NAALADL2: variants seen among roughly 807,000 people sequenced by gnomAD.
NAALADL2 encodes the protein inactive N-acetylated-alpha-linked acidic dipeptidase-like protein 2.
NAALADL2 carries 76 observed loss-of-function variants against 87.2 expected under a neutral mutation model. The observed-to-expected ratio is 0.87, with a 90% CI of 0.72 to 1.05. The LOEUF (loss-of-function observed/expected upper bound fraction) is 1.05, where lower values mean the gene tolerates loss of function less well. Among genes scored for constraint, NAALADL2 ranks in the 50% least tolerant of loss-of-function variants. The probability of loss-of-function intolerance (pLI) is 0.00; values close to 1 mark genes in which losing one functional copy is unlikely to be tolerated. For missense variants in NAALADL2, 1,089 were observed against 945.8 expected (o/e 1.15, Z -1.99); for synonymous variants, 354 against 331.0 (o/e 1.07, Z -0.75).
chr3:175,391,138 A>G (rs1262328724), intron 5 of NAALADL2, among the ~76,000 whole-genome samples: 1 of 152,204 alleles, frequency 6.6e-6, no homozygotes, highest in Non-Finnish European at 1.5e-5. Context: ...CTAAAAGAAT[A>G]CAGTGGTATG....
chr3:175,602,870 C>A (rs570417410), intron 10 of NAALADL2, among the ~76,000 whole-genome samples: 1 of 152,132 alleles, frequency 6.6e-6, no homozygotes, highest in Non-Finnish European at 1.5e-5. Context: ...TACAAATAAT[C>A]GTAGCCCTAT....
chr3:175,575,905 C>T, intron 9 of NAALADL2, 136 bp from the exon 10 acceptor site: 1 of 668,460 alleles, frequency 1.5e-6, no homozygotes, highest in Non-Finnish European at 2.5e-6. Flanking sequence ...AGTGTGGGGC[C>T]TAAGCATTTG....
chr3:174,725,816 A>G (rs1425719204), intron 2 of NAALADL2, among the ~76,000 whole-genome samples: 1 of 152,216 alleles, frequency 6.6e-6, no homozygotes, highest in Non-Finnish European at 1.5e-5. Flanking sequence ...TCAGTAATCA[A>G]CCTAAAGCCA....
chr3:175,391,133 A>G, intron 5 of NAALADL2, among the ~76,000 whole-genome samples: 1 of 152,210 alleles, frequency 6.6e-6, no homozygotes, highest in East Asian at 1.9e-4. Flanking sequence ...CAAACCTAAA[A>G]GAATACAGTG....
intron 5 of NAALADL2, among the ~76,000 whole-genome samples, chr3:175,423,381 A>C (rs1311906779): frequency 6.6e-6 from 1 of 150,756 alleles, no homozygotes; most frequent in Non-Finnish European, 1.5e-5. Context: ...TCGTCATTTA[A>C]CATTAGGTAT....
chr3:175,129,566 G>C (rs1258025277), intron 2 of NAALADL2, among the ~76,000 whole-genome samples: 1 of 152,136 alleles, frequency 6.6e-6, no homozygotes, highest in Non-Finnish European at 1.5e-5. Flanking sequence ...TAAACTGTCT[G>C]TGTTTGAGTT....
intron 2 of NAALADL2, among the ~76,000 whole-genome samples, chr3:175,161,476 A>G (rs540133322): frequency 6.6e-6 from 1 of 152,264 alleles, no homozygotes; most frequent in African/African-American, 2.4e-5. Flanking sequence ...AAATAGCTCC[A>G]TGTTGTTGCA....
chr3:175,370,151 G>A (rs11920100), intron 5 of NAALADL2, among the ~76,000 whole-genome samples: 1 of 152,016 alleles, frequency 6.6e-6, no homozygotes, highest in Non-Finnish European at 1.5e-5. Flanking sequence ...CAAACTCTGA[G>A]TAAAATGGAG....
intron 1 of NAALADL2, chr3:175,059,985 G>T: frequency 2.3e-6 from 1 of 434,468 alleles, no homozygotes; most frequent in South Asian, 1.9e-5. Context: ...GGTAATCATT[G>T]AGCACATGGA....
At chr3:175,322,938 C>T (rs1370835052) in intron 4 of NAALADL2, among the ~76,000 whole-genome samples, 2 of 151,590 alleles carry the variant, frequency 1.3e-5, no homozygotes, top group African/African-American at 2.4e-5. Flanking sequence ...GGCGATTCCT[C>T]GGGGATCTAG....
At chr3:174,955,129 A>G (rs998020742) in intron 1 of NAALADL2, among the ~76,000 whole-genome samples, 9 of 152,124 alleles carry the variant, frequency 5.9e-5, no homozygotes, top group African/African-American at 1.4e-4. Context: ...AAATGGTACA[A>G]TGAAAAATTA....
chr3:174,703,464 A>G (rs1469796570), intron 2 of NAALADL2, among the ~76,000 whole-genome samples: 1 of 152,164 alleles, frequency 6.6e-6, no homozygotes, highest in South Asian at 2.1e-4. Context: ...TGGACTGACT[A>G]GTTTCCTGGG....
At chr3:175,445,138 A>T (rs1259284126) in intron 5 of NAALADL2, among the ~76,000 whole-genome samples, 1 of 152,166 alleles carries the variant, frequency 6.6e-6, no homozygotes, top group Non-Finnish European at 1.5e-5. Flanking sequence ...TGATAGAGTC[A>T]TTCTGTTGGG....
chr3:175,774,698 T>C (rs562491619), intron 13 of NAALADL2, among the ~76,000 whole-genome samples: 1 of 152,230 alleles, frequency 6.6e-6, no homozygotes, highest in Admixed American at 6.5e-5. Flanking sequence ...CCACTAGCAA[T>C]GTGTGGCTAC....
intron 13 of NAALADL2, among the ~76,000 whole-genome samples, chr3:175,766,006 T>C (rs1258723968): frequency 6.6e-6 from 1 of 152,138 alleles, no homozygotes; most frequent in Non-Finnish European, 1.5e-5. Context: ...TATCCCTAGT[T>C]TGCTCAGAAA....
In NAALADL2 at chr3:174,794,981, C is replaced by CTTTTTTTTTTTT. The variant is rs772447340; in HGVS notation, c.-9+57251_-9+57262dup. 3.9e-4 allele frequency among the ~76,000 whole-genome samples: 26 copies of CTTTTTTTTTTTT among 66,706 alleles called. 7 individuals carry two copies. Among genetic ancestry groups the CTTTTTTTTTTTT allele is most frequent in the African/African-American group, 8.3e-4 (14 of 16,902 alleles). The allele number at this position is 66,706 out of a possible 152,430, so 43.8% of individuals were successfully genotyped here. A position where few individuals can be genotyped will look rare whatever the true frequency, so the allele number is the denominator to read the frequency against. On this transcript the variant is annotated intron_variant, in intron 3 of 3. Coordinates refer to the NAALADL2 transcript ENST00000434257. ...TTAAAAGTTGAAACTTCTAGTCCAG[C>CTTTTTTTTTTTT]TTTTTTTTTTTTTTTTTTTTTTTTT... is the stretch of plus-strand genomic sequence containing the variant.
At chr3:175,710,035 AT>A (rs989507661) in intron 11 of NAALADL2, among the ~76,000 whole-genome samples, 6 of 151,962 alleles carry the variant, frequency 3.9e-5, no homozygotes, top group Middle Eastern at 3.4e-3. Flanking sequence ...GTTTTCTTGT[AT>A]TTTTTTTAAG....
chr3:174,467,596 TAAAAA>T (rs58227642), intron 1 of NAALADL2, among the ~76,000 whole-genome samples: 4 of 59,582 alleles, frequency 6.7e-5, no homozygotes, highest in Non-Finnish European at 8.6e-5. Flanking sequence ...CCATCTCAGT[TAAAAA>T]AAAAAAAAAA....
chr3:175,760,552 G>A (rs1478148936), intron 13 of NAALADL2, among the ~76,000 whole-genome samples: 2 of 152,162 alleles, frequency 1.3e-5, no homozygotes, highest in East Asian at 1.9e-4. Flanking sequence ...AAATTACAAA[G>A]CATCACAAAA....
Sources: allele counts gnomAD v4.1 joint callset (sites outside exome capture counted in the v4.1 genomes callset), GRCh38; gene constraint gnomAD v4.1.1; transcripts MANE v1.5; gene names NCBI Gene and HGNC (gene_info 2026-07-23, HGNC 2026-07-21).